The following CACHD1 variants were observed in gnomAD, a reference collection of about 807,000 sequenced individuals.
CACHD1 encodes VWFA and cache domain-containing protein 1.
A neutral mutation model predicts 138.7 loss-of-function variants in CACHD1; 71 were observed. The observed-to-expected ratio is 0.51, with a 90% confidence interval of 0.42 to 0.62. The LOEUF (loss-of-function observed/expected upper bound fraction) is 0.62, where lower values mean the gene tolerates loss of function less well. CACHD1 is among the 20% of genes least tolerant of loss of function. The pLI is 0.00. For synonymous variants in CACHD1, 578 were observed against 591.5 expected, an observed-to-expected ratio of 0.98 and a Z score of 0.33; for missense variants, 1,389 against 1,625.3, an observed-to-expected ratio of 0.85 and a Z score of 2.50.
intron 26 of CACHD1, among the ~76,000 whole-genome samples, chr1:64,683,954 TGTA>T (rs1201325845): frequency 6.6e-6 from 1 of 152,224 alleles, no homozygotes; most frequent in Admixed American, 6.5e-5. Flanking sequence ...TGCTCATCTG[TGTA>T]TGCTCTACTC....
chr1:64,572,568 C>A (rs1423683150), intron 2 of CACHD1, among the ~76,000 whole-genome samples: 1 of 152,096 alleles, frequency 6.6e-6, no homozygotes, highest in Non-Finnish European at 1.5e-5. Flanking sequence ...CAAACCAACC[C>A]CATTATAACC....
At position 64,681,541 on chromosome 1, in the gene CACHD1, G is replaced by GTTTTTTTTTTTTTTTTTTTTTT. The variant is rs57993424; in HGVS notation, c.3484+208_3484+229dup. Among the ~76,000 whole-genome samples the GTTTTTTTTTTTTTTTTTTTTTT allele has an allele frequency of 8.1e-4, 55 of 68,136 alleles. 3 individuals are homozygous for GTTTTTTTTTTTTTTTTTTTTTT. The highest frequency in any genetic ancestry group is 1.6e-3 in the African/African-American group (22 of 13,656). 44.7% of individuals were successfully genotyped at this position (68,136 alleles called of 152,430 possible). On this transcript the variant is annotated intron_variant, in intron 25 of 26. Coordinates refer to ENST00000651257, the MANE Select transcript of CACHD1 (RefSeq NM_020925.4). Reference sequence around the variant, plus strand: ...AGAGAATCTCAAAAGATTTTATTGTGTTTTTTTTTTTTTTTTTTTTTTTGC... The same window carrying GTTTTTTTTTTTTTTTTTTTTTT: ...AGAGAATCTCAAAAGATTTTATTGTGTTTTTTTTTTTTTTTTTTTTTTTTTTTTTTTTTTTTTTTTTTTTTGC...
chr1:64,518,495 T>C (rs1646475244), intron 1 of CACHD1, among the ~76,000 whole-genome samples: 1 of 152,180 alleles, frequency 6.6e-6, no homozygotes, highest in African/African-American at 2.4e-5. Flanking sequence ...AATCTGTTTT[T>C]TTAGTGCATG....
chr1:64,498,436 T>A (rs1646319041), intron 1 of CACHD1, among the ~76,000 whole-genome samples: 1 of 152,254 alleles, frequency 6.6e-6, no homozygotes, highest in South Asian at 2.1e-4. Context: ...TTTCTGAGAT[T>A]TTTAAAGTTT....
intron 1 of CACHD1, among the ~76,000 whole-genome samples, chr1:64,495,829 T>C (rs1416806335): frequency 6.6e-6 from 1 of 152,186 alleles, no homozygotes; most frequent in African/African-American, 2.4e-5. Flanking sequence ...CTGTGTCTCC[T>C]GCTTTTCCCA....
chr1:64,542,689 G>A (rs1017947239), intron 1 of CACHD1, among the ~76,000 whole-genome samples: 1 of 152,046 alleles, frequency 6.6e-6, no homozygotes, highest in African/African-American at 2.4e-5. Context: ...TCAACTTCTA[G>A]GTGTTACGTA....
At chr1:64,578,170 C>T (rs376580300) in intron 2 of CACHD1, among the ~76,000 whole-genome samples, 2 of 152,362 alleles carry the variant, frequency 1.3e-5, no homozygotes, top group East Asian at 3.9e-4. Flanking sequence ...GTCTGAGGCA[C>T]CGCAGCGAGT....
chr1:64,582,771 G>T (rs1369788804), intron 3 of CACHD1, among the ~76,000 whole-genome samples: 1 of 152,118 alleles, frequency 6.6e-6, no homozygotes, highest in Non-Finnish European at 1.5e-5. Context: ...GTTTGTATCT[G>T]CATGATTGAG....
chr1:64,685,233 A>G (rs1428448910), intron 26 of CACHD1, among the ~76,000 whole-genome samples: 1 of 152,218 alleles, frequency 6.6e-6, no homozygotes, highest in African/African-American at 2.4e-5. Flanking sequence ...AGTTGCCTAC[A>G]GTATTCAGTG....
chr1:64,476,664 T>C (rs1167496203), intron 1 of CACHD1, among the ~76,000 whole-genome samples: 2 of 152,242 alleles, frequency 1.3e-5, no homozygotes, highest in Non-Finnish European at 2.9e-5. Flanking sequence ...GCATGTTGAA[T>C]GACTTCTGAT....
chr1:64,541,056 G>A (rs181727975), intron 1 of CACHD1, among the ~76,000 whole-genome samples: 312 of 152,286 alleles, frequency 2.0e-3, no homozygotes, highest in African/African-American at 7.1e-3. Flanking sequence ...GGAGAGGGAA[G>A]GAAAAATGGA....
At chr1:64,669,499 G>A (rs1029660315) in intron 16 of CACHD1, among the ~76,000 whole-genome samples, 1 of 152,098 alleles carries the variant, frequency 6.6e-6, no homozygotes, top group African/African-American at 2.4e-5. Context: ...AAGCTTTCTT[G>A]TGATTCTTTC....
chr1:64,606,072 G>A lies in CACHD1; in HGVS notation c.517+3160G>A, dbSNP rs376698586. Among the ~76,000 whole-genome samples, 18 of 148,218 alleles carry A rather than the reference G, an allele frequency of 1.2e-4. 3 individuals are homozygous for A. The highest frequency in any genetic ancestry group is 4.8e-4 in the Admixed American group (7 of 14,550). Reference sequence around the variant, plus strand: ...ATATTTATTAAATGCCTTCTGCATAGTAAGTACTCTTTTGTTCTAGGTCAG... The same window carrying A: ...ATATTTATTAAATGCCTTCTGCATAATAAGTACTCTTTTGTTCTAGGTCAG... On this transcript the variant is annotated intron_variant, in intron 4 of 26. Transcript: ENST00000651257.
intron 1 of CACHD1, among the ~76,000 whole-genome samples, chr1:64,521,579 T>C (rs530535215): frequency 6.6e-6 from 1 of 152,242 alleles, no homozygotes; most frequent in Admixed American, 6.5e-5. Context: ...TATTCTATTG[T>C]ATAGATATAC....
chr1:64,687,755 A>T (rs1176488822), intron 26 of CACHD1, among the ~76,000 whole-genome samples: 1 of 152,112 alleles, frequency 6.6e-6, no homozygotes, highest in African/African-American at 2.4e-5. Flanking sequence ...AAATTCACTG[A>T]TGCTGTTGCT....
chr1:64,591,226 G>A (rs1010190240), intron 3 of CACHD1, among the ~76,000 whole-genome samples: 4 of 152,140 alleles, frequency 2.6e-5, no homozygotes, highest in African/African-American at 4.8e-5. Context: ...AAAAATAAAG[G>A]CTTGTGGAAT....
At chr1:64,642,167 T>C (rs893074) in intron 8 of CACHD1, among the ~76,000 whole-genome samples, 198 bp downstream of exon 8, 150,917 of 152,332 alleles carry the variant, frequency 0.99, 74,777 homozygotes, top group East Asian at 1. Context: ...GTCTCTCCAG[T>C]GAACTGCTTG....
At chr1:64,642,092 G>A (rs1230008410) in intron 8 of CACHD1, 123 bp downstream of exon 8, 3 of 831,050 alleles carry the variant, frequency 3.6e-6, no homozygotes, top group Non-Finnish European at 5.2e-6. Flanking sequence ...AAGGCAACCA[G>A]GCGGCTCTTT....
chr1:64,689,215 A>G (rs981811720), intron 26 of CACHD1, among the ~76,000 whole-genome samples: 1 of 152,158 alleles, frequency 6.6e-6, no homozygotes, highest in South Asian at 2.1e-4. Context: ...TGCAGATGAC[A>G]CTTCTGAGAT....
Sources: allele counts gnomAD v4.1 joint callset (sites outside exome capture counted in the v4.1 genomes callset), GRCh38; gene constraint gnomAD v4.1.1; transcripts MANE v1.5; gene names NCBI Gene and HGNC (gene_info 2026-07-23, HGNC 2026-07-21).